SAG: variants seen among roughly 807,000 people sequenced by gnomAD.
SAG encodes S-arrestin.
SAG carries 45 observed loss-of-function variants against 55.0 expected under a neutral mutation model. That is an observed-to-expected ratio of 0.82 (90% CI 0.64 to 1.05). The LOEUF is 1.05. SAG is among the 50% of genes least tolerant of loss of function. The probability of loss-of-function intolerance (pLI) is 0.00; values close to 1 mark genes in which losing one functional copy is unlikely to be tolerated. For synonymous variants in SAG, 189 were observed against 197.4 expected (o/e 0.96, Z 0.36); for missense variants, 455 against 512.1 (o/e 0.89, Z 1.08).
At chr2:233,327,490 T>TGTTTG in intron 7 of SAG, 1 of 302,456 alleles carries the variant, frequency 3.3e-6, no homozygotes, top group Non-Finnish European at 6.2e-6. Flanking sequence ...TTTGTTTGTT[T>TGTTTG]TTTGTGGTAA....
At chr2:233,334,087 G>A (rs1441313765) in intron 10 of SAG, 3 of 152,178 alleles carry the variant, frequency 2.0e-5, no homozygotes, top group African/African-American at 7.2e-5. Context: ...AATGGGCTCT[G>A]CTGTCAGAGA....
At position 233,327,158 on chromosome 2, in the gene SAG, C is replaced by A. The variant is rs199537652; in HGVS notation, c.473C>A (p.Thr158Lys). Residue 158 changes from threonine (T) to lysine (K), a missense_variant, in exon 7 of 16, where the codon ACA (threonine) becomes AAA (lysine). Thr to Lys is a moderately conservative substitution (Grantham distance 78). Transcript: ENST00000409110. ...GACTTTGAGGTCAAAGCATTCGCCACAGACAGCACCGATGCCGAAGAGGAC... is the reference window on the plus strand; with the variant it reads ...GACTTTGAGGTCAAAGCATTCGCCAAAGACAGCACCGATGCCGAAGAGGAC... The part of the protein sequence containing the change: ...GVDFEVKAFA[T>K]DSTDAEEDKI... 5.0e-4 allele frequency: 807 copies of A among 1,613,764 alleles called. No individual in the cohort carries two copies. Among genetic ancestry groups the A allele is most frequent in the Non-Finnish European group, 6.3e-4 (744 of 1,179,840 alleles).
At chr2:233,308,814 T>G (rs1197225254) in intron 1 of SAG, among the ~76,000 whole-genome samples, 1 of 152,176 alleles carries the variant, frequency 6.6e-6, no homozygotes, top group Non-Finnish European at 1.5e-5. Flanking sequence ...TTAGACACAG[T>G]CACGATAGAA....
chr2:233,322,085 G>A (rs1204154168), intron 5 of SAG, among the ~76,000 whole-genome samples: 1 of 149,810 alleles, frequency 6.7e-6, no homozygotes, highest in East Asian at 2.0e-4. Context: ...TACTTGAGAG[G>A]CTGAGGCAGG....
chr2:233,308,497 T>C (rs1699998224), intron 1 of SAG, among the ~76,000 whole-genome samples: 1 of 152,042 alleles, frequency 6.6e-6, no homozygotes, highest in Admixed American at 6.6e-5. Context: ...AGAGTATGCT[T>C]AATTCTAGAC....
rs72976383 is a variant in SAG at position 233,320,649 on chromosome 2, C to T, written c.201C>T (p.Cys67=). The change falls in exon 5 of 16, where the codon TGC becomes TGT. Residue 67 remains cysteine (C), a synonymous_variant. Transcript: ENST00000409110. ...KGKKVYVTLT[C]AFRYGQEDID... ...TTGCAGTGTATGTCACTCTGACCTG[C>T]GCCTTCCGCTATGGCCAAGAGGACA... 45,767 of 1,600,228 alleles carry T rather than the reference C, an allele frequency of 0.029. 740 individuals are homozygous for T. The highest frequency in any genetic ancestry group is 0.033 in the Non-Finnish European group (39,167 of 1,173,694).
intron 5 of SAG, 32 bp downstream of exon 5, chr2:233,320,855 T>C (rs772742058): frequency 3.4e-5 from 52 of 1,537,752 alleles, no homozygotes; most frequent in Admixed American, 1.6e-4. Context: ...CCCTGCTTCC[T>C]TCACCCGCAG....
intron 3 of SAG, among the ~76,000 whole-genome samples, chr2:233,317,050 T>C (rs1462009582): frequency 6.6e-6 from 1 of 152,144 alleles, no homozygotes; most frequent in African/African-American, 2.4e-5. Flanking sequence ...TTTGCAGAGA[T>C]GGAGTTTTGC....
rs188789430 is a variant in SAG, at chr2:233,316,106, T to C, written c.107T>C (p.Ile36Thr). The C allele has an allele frequency of 7.5e-6, 12 of 1,599,686 alleles. No individual in the cohort carries two copies. In the East Asian group the frequency reaches 2.0e-4, roughly 27 times the overall value. Residue 36 changes from isoleucine to threonine, a missense_variant, in exon 3 of 16, where the codon ATA becomes ACA. Coordinates refer to ENST00000409110, the MANE Select transcript of SAG (RefSeq NM_000541.5). The stretch of plus-strand genomic sequence containing the variant: ...ATCTACCTGGGGAACAGAGACTACA[T>C]AGACCATGTCAGCCAAGTCCAGCCT... ...VTIYLGNRDY[I>T]DHVSQVQPVD...
intron 14 of SAG, chr2:233,343,335 A>C (rs1334078584): frequency 6.1e-6 from 1 of 164,042 alleles, no homozygotes; most frequent in Non-Finnish European, 1.3e-5. Context: ...CACCCGCCTC[A>C]GCGTCCCAAA....
chr2:233,312,084 C>T (rs1700089935), intron 2 of SAG, among the ~76,000 whole-genome samples: 1 of 152,156 alleles, frequency 6.6e-6, no homozygotes, highest in African/African-American at 2.4e-5. Flanking sequence ...CGAGATCGCG[C>T]CATTGCACTC....
At chr2:233,325,262 A>G (rs1700513934) in intron 6 of SAG, among the ~76,000 whole-genome samples, 2 of 151,416 alleles carry the variant, frequency 1.3e-5, no homozygotes, top group Admixed American at 1.3e-4. Context: ...AGGCTGAGGT[A>G]GGAGAATCAC....
At position 233,335,077 on chromosome 2, in the gene SAG, A is replaced by G; in HGVS notation, c.922A>G (p.Thr308Ala). 6.2e-7 allele frequency: 1 copy of G among 1,613,836 alleles called. No individual in the cohort carries two copies. Among genetic ancestry groups the G allele is most frequent in the Non-Finnish European group, 8.5e-7 (1 of 1,179,762 alleles). ...GGATGGGAAAATCAAGCACGAGGAC[A>G]CAAACCTTGCCTCCAGCACCATGTG... is the stretch of plus-strand genomic sequence containing the variant. ...ALDGKIKHED[T>A]NLASSTIIKE... The change falls in exon 11 of 16, where the codon ACA (threonine) becomes GCA (alanine). Residue 308 changes from threonine (T) to alanine (A), a missense_variant. Transcript: ENST00000409110.
intron 5 of SAG, among the ~76,000 whole-genome samples, chr2:233,321,731 G>A (rs1440953146): frequency 6.6e-6 from 1 of 152,058 alleles, no homozygotes; most frequent in African/African-American, 2.4e-5. Flanking sequence ...CCAATGAACC[G>A]TACAGTTAAA....
rs1701019924 is a variant in SAG, at chr2:233,338,963, G to C, written c.1022+210G>C. 6 of 670,934 alleles carry C rather than the reference G, an allele frequency of 8.9e-6. No individual in the cohort carries two copies. The East Asian group carries it at 1.7e-4, about 19-fold the overall frequency. The allele number at this position is 670,934 out of a possible 1,614,324, so 41.6% of individuals were successfully genotyped here. A position where few individuals can be genotyped will look rare whatever the true frequency, so the allele number is the denominator to read the frequency against. ...TCAGGTGGGAAAGGGTGGAGAAGCA[G>C]ACTCTGAAATGTGTGCATTCTTAGC... is the stretch of plus-strand genomic sequence containing the variant. On this transcript the variant is annotated intron_variant, in intron 12 of 15. Transcript: ENST00000409110.
At chr2:233,337,124 A>G (rs764417880) in intron 11 of SAG, among the ~76,000 whole-genome samples, 1 of 151,982 alleles carries the variant, frequency 6.6e-6, no homozygotes, top group East Asian at 1.9e-4. Flanking sequence ...ATCCCAGCAA[A>G]GAGGGGGATC....
chr2:233,318,951 C>T, intron 4 of SAG, 156 bp downstream of exon 4: 4 of 752,252 alleles, frequency 5.3e-6, no homozygotes, highest in Non-Finnish European at 9.9e-6. Context: ...GACCCACACT[C>T]CTGTACCTAA....
chr2:233,307,889 G>A lies in SAG; in HGVS notation c.-162G>A, dbSNP rs956766849. On this transcript the variant is annotated 5_prime_UTR_variant, in exon 1 of 16. The change creates a new upstream start codon in the 5' untranslated region. Coordinates refer to ENST00000409110, the MANE Select transcript of SAG (RefSeq NM_000541.5). ...CATACGTAGGCCAGGAGCCTCAGCG[G>A]TGCCCCTTCAGGCTCATCTGGCAAG... is the stretch of plus-strand genomic sequence containing the variant. 1 of 152,376 alleles carries A rather than the reference G, an allele frequency of 6.6e-6. No homozygotes were observed. Among genetic ancestry groups the A allele is most frequent in the African/African-American group, 2.4e-5 (1 of 41,464 alleles). 9.4% of individuals were successfully genotyped at this position (152,376 alleles called of 1,614,324 possible).
At chr2:233,315,093 A>G (rs1700180067) in intron 2 of SAG, among the ~76,000 whole-genome samples, 2 of 152,174 alleles carry the variant, frequency 1.3e-5, no homozygotes, top group African/African-American at 2.4e-5. Context: ...CTGCTCTCCC[A>G]TAAGTGGGTA....
Sources: allele counts gnomAD v4.1 joint callset (sites outside exome capture counted in the v4.1 genomes callset), GRCh38; gene constraint gnomAD v4.1.1; transcripts MANE v1.5; gene names NCBI Gene and HGNC (gene_info 2026-07-23, HGNC 2026-07-21).